Variants in ANKRD11 observed in about 807,000 individuals in gnomAD.
ANKRD11 encodes the protein ankyrin repeat domain-containing protein 11.
Under a neutral mutation model 195.7 loss-of-function variants are expected in ANKRD11, and 17 were observed. The observed-to-expected ratio is 0.09, with a 90% CI of 0.06 to 0.13. The LOEUF is 0.13. ANKRD11 is among the 10% of genes least tolerant of loss of function. The pLI is 1.00. For missense variants in ANKRD11, 3,735 were observed against 3,566.1 expected, an observed-to-expected ratio of 1.05 and a Z score of -1.21; for synonymous variants, 1,953 against 1,528.1, an observed-to-expected ratio of 1.28 and a Z score of -6.49.
At chr16:89,381,293 C>A (rs2040635448) in intron 2 of ANKRD11, among the ~76,000 whole-genome samples, 1 of 145,194 alleles carries the variant, frequency 6.9e-6, no homozygotes. Context: ...CAATGCGCCA[C>A]TGCACTCCAG....
At chr16:89,467,031 A>G (rs1341930981) in intron 1 of ANKRD11, among the ~76,000 whole-genome samples, 2 of 152,222 alleles carry the variant, frequency 1.3e-5, no homozygotes, top group African/African-American at 4.8e-5. Context: ...ATGACATCCT[A>G]TCATATAAGA....
chr16:89,399,453 G>T (rs1357460742), intron 2 of ANKRD11, among the ~76,000 whole-genome samples: 1 of 152,218 alleles, frequency 6.6e-6, no homozygotes, highest in Non-Finnish European at 1.5e-5. Context: ...TCCAGGAAAG[G>T]GCAAAACCGT....
intron 2 of ANKRD11, among the ~76,000 whole-genome samples, chr16:89,342,621 T>C (rs2038744660): frequency 6.6e-6 from 1 of 152,228 alleles, no homozygotes; most frequent in East Asian, 1.9e-4. Context: ...TATGGAAAAC[T>C]GGGTGAATAA....
chr16:89,391,426 G>C (rs900171852), intron 2 of ANKRD11, among the ~76,000 whole-genome samples: 1 of 152,120 alleles, frequency 6.6e-6, no homozygotes, highest in Non-Finnish European at 1.5e-5. Context: ...AGGCTGCACG[G>C]GATTGTGGGA....
chr16:89,306,138 C>T (rs1448576168), intron 3 of ANKRD11, among the ~76,000 whole-genome samples: 1 of 95,242 alleles, frequency 1.0e-5, no homozygotes. Context: ...CACTTACCTC[C>T]CACTCCGCAG....
At chr16:89,449,653 C>T (rs1344049522) in intron 1 of ANKRD11, among the ~76,000 whole-genome samples, 2 of 151,764 alleles carry the variant, frequency 1.3e-5, no homozygotes, top group Non-Finnish European at 2.9e-5. Flanking sequence ...ATTACCAGGG[C>T]GTGGTGGTAC....
intron 7 of ANKRD11, chr16:89,287,005 G>A (rs2151774524): frequency 7.8e-7 from 1 of 1,289,662 alleles, no homozygotes; most frequent in Non-Finnish European, 1.0e-6. Context: ...GAGTTCTTAT[G>A]TGTGTGAGTT....
At chr16:89,337,169 G>A (rs1242448135) in intron 2 of ANKRD11, among the ~76,000 whole-genome samples, 3 of 152,028 alleles carry the variant, frequency 2.0e-5, no homozygotes, top group East Asian at 1.9e-4. Flanking sequence ...CTGGGCAACA[G>A]AGTGAGACCC....
At chr16:89,428,140 A>G (rs572514661) in intron 1 of ANKRD11, among the ~76,000 whole-genome samples, 5 of 152,008 alleles carry the variant, frequency 3.3e-5, no homozygotes, top group Non-Finnish European at 7.4e-5. Flanking sequence ...CCCAGGAGGC[A>G]GAGGTTGCAG....
In ANKRD11 at chr16:89,337,742, G is replaced by C. The variant is rs371919273; in HGVS notation, c.-59-20664C>G. Among the ~76,000 whole-genome samples the C allele has an allele frequency of 2.4e-4, 37 of 152,274 alleles. 1 individual carries two copies. Among genetic ancestry groups the C allele is most frequent in the African/African-American group, 8.7e-4 (36 of 41,562 alleles). On this transcript the variant is annotated intron_variant, in intron 2 of 12. Coordinates refer to ENST00000301030, the MANE Select transcript of ANKRD11 (RefSeq NM_013275.6). The stretch of plus-strand genomic sequence containing the variant: ...GGCGTAAGCCACTGTGCCCGGCCTG[G>C]TCTAAGCAATTCTAACCATGCAGAC...
chr16:89,435,319 G>T (rs1185698402), intron 1 of ANKRD11, among the ~76,000 whole-genome samples: 2 of 152,158 alleles, frequency 1.3e-5, no homozygotes, highest in Non-Finnish European at 1.5e-5. Flanking sequence ...GCAGTACGTG[G>T]GCAGGGCCGA....
chr16:89,322,501 G>C (rs1331959234), intron 2 of ANKRD11, among the ~76,000 whole-genome samples: 2 of 152,230 alleles, frequency 1.3e-5, no homozygotes, highest in African/African-American at 2.4e-5. Context: ...CGTGGCCTCA[G>C]AGGCCCAGGA....
rs540046120 is a variant in ANKRD11 at position 89,479,275 on chromosome 16, G to GA, written c.-145+10969dup. The stretch of plus-strand genomic sequence containing the variant: ...TCCACTCAAACAAAAACAAAAAAAG[G>GA]AAAAAAAAAACACTAATTACAAGGA... On this transcript the variant is annotated intron_variant, in intron 1 of 12. Transcript: ENST00000301030. 2.7e-3 allele frequency among the ~76,000 whole-genome samples: 394 copies of GA among 146,158 alleles called. 5 individuals are homozygous for GA. The East Asian group carries it at 0.042, about 16-fold the overall frequency.
chr16:89,430,266 C>A (rs1447313733), intron 1 of ANKRD11, among the ~76,000 whole-genome samples: 1 of 125,166 alleles, frequency 8.0e-6, no homozygotes, highest in Admixed American at 7.8e-5. Context: ...ACAGCAGGGA[C>A]TCTCAACTCT....
chr16:89,410,831 G>C (rs1222248853), intron 2 of ANKRD11, among the ~76,000 whole-genome samples: 5 of 152,236 alleles, frequency 3.3e-5, no homozygotes, highest in African/African-American at 1.2e-4. Context: ...GAAGGGGGTG[G>C]GGAGTGGCCA....
At chr16:89,335,866 G>C (rs2038325594) in intron 2 of ANKRD11, among the ~76,000 whole-genome samples, 1 of 152,184 alleles carries the variant, frequency 6.6e-6, no homozygotes, top group Non-Finnish European at 1.5e-5. Flanking sequence ...AAAGGGCTAG[G>C]AGAAACGCAG....
At chr16:89,382,670 G>T (rs904414958) in intron 2 of ANKRD11, among the ~76,000 whole-genome samples, 1 of 150,596 alleles carries the variant, frequency 6.6e-6, no homozygotes, top group Non-Finnish European at 1.5e-5. Flanking sequence ...CCAGTAGATG[G>T]GGTCTCACTA....
chr16:89,413,086 G>A (rs968369292), intron 2 of ANKRD11, among the ~76,000 whole-genome samples: 3 of 152,162 alleles, frequency 2.0e-5, no homozygotes, highest in African/African-American at 7.2e-5. Flanking sequence ...GTAGGAGGGG[G>A]CGCCGCTCAG....
chr16:89,367,034 C>T (rs767927837), intron 2 of ANKRD11, among the ~76,000 whole-genome samples: 8 of 152,200 alleles, frequency 5.3e-5, no homozygotes, highest in Non-Finnish European at 8.8e-5. Flanking sequence ...AGGCTGGATG[C>T]CCAGCCACGG....
Sources: gnomAD v4.1 joint callset for allele counts (sites outside exome capture counted in the v4.1 genomes callset) on GRCh38, gnomAD v4.1.1 for gene constraint, MANE v1.5 for transcripts, NCBI Gene and HGNC (gene_info 2026-07-23, HGNC 2026-07-21) for gene names.